Variants in SH3PXD2B observed in about 807,000 individuals in gnomAD.
SH3PXD2B encodes the protein SH3 and PX domains 2B.
A neutral mutation model predicts 73.1 loss-of-function variants in SH3PXD2B; 37 were observed. That is an observed-to-expected ratio of 0.51 (90% CI 0.39 to 0.67). SH3PXD2B has a LOEUF of 0.67. Among genes scored for constraint, SH3PXD2B ranks in the 30% least tolerant of loss-of-function variants. The probability of loss-of-function intolerance (pLI) is 0.00; values close to 1 mark genes in which losing one functional copy is unlikely to be tolerated. For synonymous variants in SH3PXD2B, 457 were observed against 480.5 expected (o/e 0.95, Z 0.64); for missense variants, 1,053 against 1,197.8 (o/e 0.88, Z 1.78).
intron 4 of SH3PXD2B, among the ~76,000 whole-genome samples, chr5:172,386,351 T>C (rs1758060676): frequency 6.6e-6 from 1 of 152,166 alleles, no homozygotes; most frequent in South Asian, 2.1e-4. Context: ...CCAAAGGCGA[T>C]TTCAGAGGCA....
intron 7 of SH3PXD2B, among the ~76,000 whole-genome samples, chr5:172,361,783 A>G (rs945846230): frequency 3.3e-5 from 5 of 152,158 alleles, no homozygotes; most frequent in African/African-American, 1.2e-4. Flanking sequence ...TTGAGTAACC[A>G]AGGAAGTTTG....
intron 1 of SH3PXD2B, among the ~76,000 whole-genome samples, chr5:172,439,624 G>A (rs1402059479): frequency 1.3e-5 from 2 of 151,810 alleles, no homozygotes; most frequent in Non-Finnish European, 2.9e-5. Context: ...GATATGTTAA[G>A]AGGAAAAGTC....
intron 2 of SH3PXD2B, among the ~76,000 whole-genome samples, chr5:172,411,656 G>C (rs936046004): frequency 1.3e-5 from 2 of 152,150 alleles, no homozygotes; most frequent in African/African-American, 4.8e-5. Flanking sequence ...GCGGGGCTGG[G>C]TAAATGAGTG....
At position 172,350,470 on chromosome 5, in the gene SH3PXD2B, C is replaced by T; in HGVS notation, c.905G>A (p.Gly302Asp). The T allele has an allele frequency of 6.2e-7, 1 of 1,614,158 alleles. No homozygotes were observed. The highest frequency in any genetic ancestry group is 1.1e-5 in the South Asian group (1 of 91,090). Residue 302 changes from glycine (G) to aspartate (D), a missense_variant, in exon 10 of 13, where the codon GGT becomes GAT. By Grantham distance (94) the Gly-to-Asp change is moderately conservative (BLOSUM62 -1). Coordinates refer to ENST00000311601, the MANE Select transcript of SH3PXD2B (RefSeq NM_001017995.3). ...CACCGCGTTCTGCTGCCGGGAAACA[C>T]CATCCAAGTCAAGGGCACCCGGGTG... is the stretch of plus-strand genomic sequence containing the variant. Reference protein sequence around the residue: ...PSHPGALDLDGVSRQQNAVGR... With the variant: ...PSHPGALDLDDVSRQQNAVGR...
intron 3 of SH3PXD2B, among the ~76,000 whole-genome samples, chr5:172,401,881 A>T (rs1203717194): frequency 6.6e-6 from 1 of 152,100 alleles, no homozygotes; most frequent in Non-Finnish European, 1.5e-5. Flanking sequence ...TAAGCTGAGG[A>T]TGTATGTCGC....
At chr5:172,406,158 C>T in intron 3 of SH3PXD2B, 119 bp downstream of exon 3, 1 of 1,150,908 alleles carries the variant, frequency 8.7e-7, no homozygotes, top group East Asian at 2.4e-5. Context: ...GGCTGAGATT[C>T]TGGTCAGTGG....
intron 6 of SH3PXD2B, among the ~76,000 whole-genome samples, chr5:172,368,891 A>AT (rs1368764754): frequency 0.024 from 3,187 of 133,136 alleles, 150 homozygotes; most frequent in African/African-American, 0.087. Flanking sequence ...TATAAAAAAA[A>AT]ATATATATAT....
At position 172,334,629 on chromosome 5, in the gene SH3PXD2B, C is replaced by A. The variant is rs951481559; in HGVS notation, c.*3740G>T. 3 of 985,424 alleles carry A rather than the reference C, an allele frequency of 3.0e-6. No homozygotes were observed. The highest frequency in any genetic ancestry group is 3.6e-6 in the Non-Finnish European group (3 of 829,958). The allele number at this position is 985,424 out of a possible 1,614,324, so 61.0% of individuals were successfully genotyped here. ...TAAGCCAACATGTAAGACTTGGGCACGATGAAAGGACGGGGGTCCAGCTAC... is the reference window on the plus strand; with the variant it reads ...TAAGCCAACATGTAAGACTTGGGCAAGATGAAAGGACGGGGGTCCAGCTAC... On this transcript the variant is annotated 3_prime_UTR_variant, in exon 13 of 13. Coordinates refer to ENST00000311601, the MANE Select transcript of SH3PXD2B (RefSeq NM_001017995.3).
chr5:172,355,182 G>A (rs1201676133), intron 8 of SH3PXD2B, among the ~76,000 whole-genome samples: 1 of 152,230 alleles, frequency 6.6e-6, no homozygotes, highest in African/African-American at 2.4e-5. Context: ...ATCTCTTTGG[G>A]AAAATACCAC....
chr5:172,399,455 G>GT (rs1224907553), intron 3 of SH3PXD2B, among the ~76,000 whole-genome samples: 1 of 152,068 alleles, frequency 6.6e-6, no homozygotes, highest in African/African-American at 2.4e-5. Context: ...TGGGAAAGAG[G>GT]ATATGCTTGT....
At chr5:172,356,102 C>T (rs886656984) in intron 8 of SH3PXD2B, among the ~76,000 whole-genome samples, 4 of 152,142 alleles carry the variant, frequency 2.6e-5, no homozygotes, top group African/African-American at 4.8e-5. Flanking sequence ...TCCCGCCCAC[C>T]GTGACTGGTT....
chr5:172,347,445 C>G (rs1757022697), intron 10 of SH3PXD2B, 113 bp from the exon 11 acceptor site: 4 of 1,045,874 alleles, frequency 3.8e-6, no homozygotes, highest in Non-Finnish European at 5.8e-6. Context: ...CGTCTGCATG[C>G]TGCTGCAACC....
At chr5:172,447,015 C>T (rs1759680145) in intron 1 of SH3PXD2B, among the ~76,000 whole-genome samples, 1 of 152,156 alleles carries the variant, frequency 6.6e-6, no homozygotes, top group Non-Finnish European at 1.5e-5. Flanking sequence ...CTCAGGAGGA[C>T]AGGAGAATCC....
intron 6 of SH3PXD2B, among the ~76,000 whole-genome samples, chr5:172,369,724 C>T (rs1757660572): frequency 1.3e-5 from 2 of 152,090 alleles, no homozygotes; most frequent in South Asian, 4.1e-4. Context: ...GCCGAGATCG[C>T]ACCACTGAAC....
At chr5:172,343,937 CT>C (rs952100004) in intron 12 of SH3PXD2B, among the ~76,000 whole-genome samples, 16 of 151,844 alleles carry the variant, frequency 1.1e-4, no homozygotes, top group African/African-American at 3.4e-4. Flanking sequence ...CCTAACCCCC[CT>C]GAGTCTCATC....
chr5:172,338,330 G>T lies in SH3PXD2B; in HGVS notation c.*39C>A. 6.2e-7 allele frequency: 1 copy of T among 1,613,530 alleles called. No individual in the cohort carries two copies. Among genetic ancestry groups the T allele is most frequent in the Non-Finnish European group, 8.5e-7 (1 of 1,180,030 alleles). ...CGTATTAAATACGTGGGTAAAGCCA[G>T]CAAGGACCAGCGGGCCCTCTAGGCA... is the stretch of plus-strand genomic sequence containing the variant. On this transcript the variant is annotated 3_prime_UTR_variant, in exon 13 of 13. Coordinates refer to ENST00000311601, the MANE Select transcript of SH3PXD2B (RefSeq NM_001017995.3). The surrounding 1 kb of genome is among the most constrained non-coding windows in gnomAD (Gnocchi z 5.1).
At position 172,339,559 on chromosome 5, in the gene SH3PXD2B, T is replaced by C. The variant is rs1480272069; in HGVS notation, c.1546A>G (p.Met516Val). The C allele has an allele frequency of 1.9e-6, 3 of 1,614,218 alleles. No homozygotes were observed. The highest frequency in any genetic ancestry group is 2.5e-6 in the Non-Finnish European group (3 of 1,180,036). The stretch of plus-strand genomic sequence containing the variant: ...GGAGGGAGGCTGGGCTTCTCCTCCA[T>C]GTCGGGGTCTGAGATCTCCTCGTAG... ...AGYEEISDPDMEEKPSLPPRK... is the reference protein window; with the variant it reads ...AGYEEISDPDVEEKPSLPPRK... Residue 516 changes from methionine (M) to valine (V), a missense_variant, in exon 13 of 13, where the codon ATG becomes GTG. Physicochemically the swap from Met to Val is conservative, Grantham distance 21. Transcript: ENST00000311601. The surrounding 1 kb of genome is among the most constrained non-coding windows in gnomAD (Gnocchi z 6.1).
In SH3PXD2B at chr5:172,338,935, T is replaced by A; in HGVS notation, c.2170A>T (p.Ile724Phe). 6.2e-7 allele frequency: 1 copy of A among 1,613,962 alleles called. No homozygotes were observed. The highest frequency in any genetic ancestry group is 8.5e-7 in the Non-Finnish European group (1 of 1,179,934). Reference protein sequence around the residue: ...GKQDGLSPKEISCRAPPRPAK... With the variant: ...GKQDGLSPKEFSCRAPPRPAK... ...GGCCTCGGAGGGGCTCTGCAGGAAA[T>A]CTCTTTTGGGCTGAGACCATCCTGT... is the stretch of plus-strand genomic sequence containing the variant. Residue 724 changes from isoleucine (I) to phenylalanine (F), a missense_variant, in exon 13 of 13, where the codon ATT becomes TTT. This residue lies in a region of SH3PXD2B where 587 missense variants were observed against 590.7 expected (regional missense o/e 0.99). Coordinates refer to ENST00000311601, the MANE Select transcript of SH3PXD2B (RefSeq NM_001017995.3). The surrounding 1 kb of genome is among the most constrained non-coding windows in gnomAD (Gnocchi z 5.1).
intron 6 of SH3PXD2B, among the ~76,000 whole-genome samples, chr5:172,365,350 T>C (rs1227942378): frequency 6.6e-6 from 1 of 152,182 alleles, no homozygotes; most frequent in Non-Finnish European, 1.5e-5. Context: ...AGATGTTAAG[T>C]GACTTTCTCT....
Sources: gnomAD v4.1 joint callset for allele counts (sites outside exome capture counted in the v4.1 genomes callset) on GRCh38, gnomAD v4.1.1 for gene constraint, gnomAD v4.1.1 regional missense constraint, Gnocchi (gnomAD v3.1) non-coding constraint, MANE v1.5 for transcripts, NCBI Gene and HGNC (gene_info 2026-07-23, HGNC 2026-07-21) for gene names.